MYOF: variants seen among roughly 807,000 people sequenced by gnomAD.
MYOF encodes the protein fer-1-like 3, myoferlin.
MYOF carries 244 observed loss-of-function variants against 284.2 expected under a neutral mutation model. The ratio of observed to expected loss-of-function variants is 0.86; its 90% confidence interval spans 0.77 to 0.95. The LOEUF (loss-of-function observed/expected upper bound fraction) is 0.95, where lower values mean the gene tolerates loss of function less well. Among genes scored for constraint, MYOF ranks in the 40% least tolerant of loss-of-function variants. The pLI is 0.00. For synonymous variants in MYOF, 904 were observed against 919.7 expected, an observed-to-expected ratio of 0.98 and a Z score of 0.31; for missense variants, 2,496 against 2,560.6, an observed-to-expected ratio of 0.97 and a Z score of 0.54.
intron 30 of MYOF, 126 bp downstream of exon 30, chr10:93,356,549 G>T: frequency 9.7e-7 from 1 of 1,027,108 alleles, no homozygotes; most frequent in Non-Finnish European, 1.4e-6. Context: ...CCCTCAACCT[G>T]TTAATATTTG....
intron 52 of MYOF, among the ~76,000 whole-genome samples, 162 bp from the exon 53 acceptor site, chr10:93,310,329 C>A (rs921531295): frequency 2.6e-5 from 4 of 152,182 alleles, no homozygotes; most frequent in African/African-American, 9.7e-5. Flanking sequence ...CCTACGACAG[C>A]TTCCTAAGAT....
rs1215657312 is a variant in MYOF at position 93,333,758 on chromosome 10, C to T, written c.4719G>A (p.Leu1573=). Residue 1573 remains leucine (L), a splice_region_variant and synonymous_variant, in exon 42 of 54, where the codon CTG becomes CTA. Transcript: ENST00000359263. ...GAAGGCCCCACACCCAAACTCTTAC[C>T]AGGCCATTGTTGTCCTGGGGCTGGA... ...LELQPQDNNG[L]CDPYIKITLG... is the part of the protein sequence containing the mutation. 1.9e-6 allele frequency: 3 copies of T among 1,613,898 alleles called. No homozygotes were observed. The highest frequency in any genetic ancestry group is 2.5e-6 in the Non-Finnish European group (3 of 1,179,830).
chr10:93,310,087 A>T lies in MYOF; in HGVS notation c.6080T>A (p.Val2027Asp). 1 of 1,614,112 alleles carries T rather than the reference A, an allele frequency of 6.2e-7. No homozygotes were observed. Among genetic ancestry groups the T allele is most frequent in the Non-Finnish European group, 8.5e-7 (1 of 1,180,020 alleles). Reference sequence around the variant, plus strand: ...AAGCAGGAACAGCAAGCCGATGATGACCCACTTAAAGCGGCGCCACACGAT... The same window carrying T: ...AAGCAGGAACAGCAAGCCGATGATGTCCCACTTAAAGCGGCGCCACACGAT... ...KFIVWRRFKW[V>D]IIGLLFLLIL... Residue 2027 changes from valine to aspartate, a missense_variant, in exon 53 of 54, where the codon GTC becomes GAC. This residue lies in a region of MYOF where 2,436 missense variants were observed against 2,480.7 expected (regional missense o/e 0.98). Transcript: ENST00000359263.
intron 3 of MYOF, among the ~76,000 whole-genome samples, chr10:93,434,933 A>C (rs1849051209): frequency 1.3e-5 from 2 of 152,192 alleles, no homozygotes; most frequent in Admixed American, 6.5e-5. Flanking sequence ...AATCTCTTCC[A>C]CATCTCTCTC....
intron 17 of MYOF, among the ~76,000 whole-genome samples, chr10:93,389,998 C>T (rs1025036131): frequency 3.9e-5 from 6 of 152,086 alleles, no homozygotes; most frequent in African/African-American, 9.7e-5. Context: ...TCTGTGAATT[C>T]GAAATGACAA....
At chr10:93,473,237 G>A (rs138576934) in intron 1 of MYOF, among the ~76,000 whole-genome samples, 4 of 152,362 alleles carry the variant, frequency 2.6e-5, no homozygotes, top group South Asian at 2.1e-4. Context: ...GAAGGAGACA[G>A]GCTGCAGAGT....
rs752752770 is a variant in MYOF at position 93,374,921 on chromosome 10, C to T, written c.2143G>A (p.Val715Ile). 4.3e-6 allele frequency: 7 copies of T among 1,613,764 alleles called. No homozygotes were observed. Among genetic ancestry groups the T allele is most frequent in the South Asian group, 2.2e-5 (2 of 90,984 alleles). ...TLPLTEGKAN[V>I]TVLDTQIRKL... ...CGGATCTGAGTATCGAGAACTGTGA[C>T]GTTGGCTTTTCCTTCTGTGAGAGGC... Residue 715 changes from valine to isoleucine, a missense_variant, in exon 23 of 54, where the codon GTC becomes ATC. Transcript: ENST00000359263.
chr10:93,326,799 A>C (rs988981335), intron 45 of MYOF, among the ~76,000 whole-genome samples: 1 of 151,682 alleles, frequency 6.6e-6, no homozygotes, highest in African/African-American at 2.4e-5. Context: ...TAATTTTTGT[A>C]TTTTTAGTAG....
At chr10:93,406,732 T>C (rs1344617943) in intron 7 of MYOF, among the ~76,000 whole-genome samples, 1 of 151,846 alleles carries the variant, frequency 6.6e-6, no homozygotes, top group African/African-American at 2.4e-5. Flanking sequence ...GGTTAGAGGT[T>C]AGAGGTGAGA....
intron 7 of MYOF, among the ~76,000 whole-genome samples, chr10:93,404,692 G>A (rs2134101975): frequency 1.3e-5 from 2 of 150,880 alleles, no homozygotes; most frequent in African/African-American, 4.9e-5. Flanking sequence ...ACTTCATGCT[G>A]CAATGCTTAT....
intron 5 of MYOF, among the ~76,000 whole-genome samples, chr10:93,414,789 G>A (rs934700651): frequency 6.6e-6 from 1 of 151,916 alleles, no homozygotes; most frequent in African/African-American, 2.4e-5. Context: ...TGTCATCCAG[G>A]CTGGAGTGTA....
At chr10:93,435,496 G>T (rs1427914117) in intron 3 of MYOF, among the ~76,000 whole-genome samples, 3 of 152,194 alleles carry the variant, frequency 2.0e-5, no homozygotes, top group Non-Finnish European at 4.4e-5. Context: ...ATAACTCTGT[G>T]TCCCCACTTT....
At chr10:93,440,931 G>A (rs994050307) in intron 3 of MYOF, among the ~76,000 whole-genome samples, 1 of 152,212 alleles carries the variant, frequency 6.6e-6, no homozygotes, top group African/African-American at 2.4e-5. Flanking sequence ...AAAAAGTGCA[G>A]TTCAGCCTCT....
intron 50 of MYOF, among the ~76,000 whole-genome samples, chr10:93,313,887 C>G (rs1174643384): frequency 1.3e-5 from 2 of 151,802 alleles, no homozygotes; most frequent in Admixed American, 1.3e-4. Context: ...GGCAGCAGAG[C>G]GAGATTCTGT....
At chr10:93,336,665 G>C (rs996911521) in intron 40 of MYOF, among the ~76,000 whole-genome samples, 1 of 152,052 alleles carries the variant, frequency 6.6e-6, no homozygotes, top group Non-Finnish European at 1.5e-5. Context: ...GGTTCACATA[G>C]GGTATATACA....
chr10:93,420,870 A>C (rs1848330186), intron 5 of MYOF, among the ~76,000 whole-genome samples: 1 of 152,218 alleles, frequency 6.6e-6, no homozygotes. Context: ...AAATCAGAAG[A>C]AGCAGACATT....
chr10:93,461,696 G>T (rs1292304449), intron 1 of MYOF, among the ~76,000 whole-genome samples: 1 of 152,136 alleles, frequency 6.6e-6, no homozygotes, highest in African/African-American at 2.4e-5. Flanking sequence ...GAACCAAAGA[G>T]CATAGAACTG....
intron 41 of MYOF, among the ~76,000 whole-genome samples, chr10:93,335,322 G>T (rs1434508497): frequency 6.6e-6 from 1 of 152,020 alleles, no homozygotes; most frequent in Non-Finnish European, 1.5e-5. Flanking sequence ...GGAGGCAGGG[G>T]ACCATGTAGC....
chr10:93,370,239 GAATT>G (rs1443940514), intron 24 of MYOF, among the ~76,000 whole-genome samples: 4 of 147,508 alleles, frequency 2.7e-5, no homozygotes, highest in African/African-American at 7.6e-5. Context: ...TTTCACTAAA[GAATT>G]ATCTTTCCCT....
Sources: allele counts gnomAD v4.1 joint callset (sites outside exome capture counted in the v4.1 genomes callset), GRCh38; gene constraint gnomAD v4.1.1; regional missense constraint gnomAD v4.1.1; transcripts MANE v1.5; gene names NCBI Gene and HGNC (gene_info 2026-07-23, HGNC 2026-07-21).